Variants in ZCCHC4 observed in about 807,000 individuals in gnomAD.
ZCCHC4 encodes the protein rRNA N(6)-adenosine-methyltransferase ZCCHC4.
ZCCHC4 carries 54 observed loss-of-function variants against 67.7 expected under a neutral mutation model. The observed-to-expected ratio is 0.80, with a 90% CI of 0.64 to 1.00. The LOEUF (loss-of-function observed/expected upper bound fraction) is 1.00. ZCCHC4 is among the 50% of genes least tolerant of loss of function. The probability of loss-of-function intolerance (pLI) is 0.00; values close to 1 mark genes in which losing one functional copy is unlikely to be tolerated. For synonymous variants in ZCCHC4, 198 were observed against 213.5 expected (o/e 0.93, Z 0.63); for missense variants, 609 against 617.0 (o/e 0.99, Z 0.14).
chr4:25,349,226 T>C (rs1022728478), intron 6 of ZCCHC4, among the ~76,000 whole-genome samples: 8 of 152,204 alleles, frequency 5.3e-5, no homozygotes, highest in African/African-American at 1.7e-4. Context: ...GCCTTTTAAT[T>C]TAACCATTTG....
chr4:25,331,244 T>G (rs904832573), intron 3 of ZCCHC4, among the ~76,000 whole-genome samples: 1 of 152,202 alleles, frequency 6.6e-6, no homozygotes, highest in Non-Finnish European at 1.5e-5. Context: ...TAAAACTTCT[T>G]TTGAAGGCCC....
intron 10 of ZCCHC4, among the ~76,000 whole-genome samples, chr4:25,362,953 A>G (rs949925034): frequency 6.6e-6 from 1 of 152,076 alleles, no homozygotes; most frequent in African/African-American, 2.4e-5. Context: ...ATTCTCCCCA[A>G]CTAGCAGCAT....
intron 11 of ZCCHC4, 108 bp from the exon 12 acceptor site, chr4:25,364,914 G>T: frequency 6.8e-7 from 1 of 1,463,352 alleles, no homozygotes; most frequent in Non-Finnish European, 9.2e-7. Flanking sequence ...GTGCAAACTG[G>T]CCACAATACT....
intron 3 of ZCCHC4, among the ~76,000 whole-genome samples, chr4:25,322,845 T>C (rs763032951): frequency 9.9e-5 from 15 of 152,100 alleles, no homozygotes; most frequent in Non-Finnish European, 2.1e-4. Context: ...AAGGGTGAAT[T>C]TTATGGTACC....
chr4:25,346,478 C>T (rs1216163734), intron 6 of ZCCHC4, among the ~76,000 whole-genome samples: 2 of 152,088 alleles, frequency 1.3e-5, no homozygotes, highest in East Asian at 3.8e-4. Context: ...TGTAAAAATT[C>T]TGAACCATGC....
intron 12 of ZCCHC4, 169 bp downstream of exon 12, chr4:25,365,335 A>T: frequency 7.1e-7 from 1 of 1,407,860 alleles, no homozygotes; most frequent in Non-Finnish European, 9.2e-7. Context: ...AGATGATTCA[A>T]AGAGCTTGCT....
chr4:25,349,685 C>G (rs1453824714), intron 7 of ZCCHC4, 43 bp downstream of exon 7: 4 of 1,582,148 alleles, frequency 2.5e-6, no homozygotes, highest in Non-Finnish European at 3.5e-6. Context: ...ATCTATATAT[C>G]TACTTCCTGT....
chr4:25,358,729 G>A (rs1016133398), intron 8 of ZCCHC4, among the ~76,000 whole-genome samples: 3 of 152,218 alleles, frequency 2.0e-5, no homozygotes, highest in African/African-American at 7.2e-5. Flanking sequence ...AACTCTGCAC[G>A]TTATGTAACC....
chr4:25,365,401 A>G (rs1420249474), intron 12 of ZCCHC4: 15 of 1,293,416 alleles, frequency 1.2e-5, no homozygotes. Flanking sequence ...AATATGAGGT[A>G]GAAAGTGGTT....
intron 10 of ZCCHC4, among the ~76,000 whole-genome samples, 176 bp from the exon 11 acceptor site, chr4:25,364,278 A>T (rs1720860083): frequency 1.3e-5 from 2 of 152,210 alleles, no homozygotes; most frequent in Non-Finnish European, 2.9e-5. Flanking sequence ...ATTTGAGTTG[A>T]GTGGAGAAAT....
intron 5 of ZCCHC4, among the ~76,000 whole-genome samples, chr4:25,343,101 T>C (rs768092484): frequency 6.6e-6 from 1 of 152,236 alleles, no homozygotes; most frequent in East Asian, 1.9e-4. Flanking sequence ...CACATGGTTG[T>C]ACTAGTACTA....
chr4:25,357,470 A>G (rs1460417684), intron 8 of ZCCHC4, among the ~76,000 whole-genome samples: 2 of 152,160 alleles, frequency 1.3e-5, no homozygotes, highest in Non-Finnish European at 2.9e-5. Flanking sequence ...GACAGCCAGA[A>G]ACCCTTAGGG....
intron 6 of ZCCHC4, among the ~76,000 whole-genome samples, chr4:25,346,862 G>T (rs1220738269): frequency 1.3e-5 from 2 of 152,116 alleles, no homozygotes; most frequent in Non-Finnish European, 2.9e-5. Flanking sequence ...ATGATGAGGG[G>T]CTTCGCAGCT....
intron 3 of ZCCHC4, among the ~76,000 whole-genome samples, chr4:25,327,669 G>A (rs1237071674): frequency 5.9e-5 from 9 of 151,986 alleles, no homozygotes; most frequent in Non-Finnish European, 1.0e-4. Flanking sequence ...TTGAAGAGAT[G>A]AGGATCTTAC....
In ZCCHC4 at chr4:25,370,363, A is replaced by T. The variant is rs563152030; in HGVS notation, c.*1199A>T. The T allele has an allele frequency of 6.6e-6, 1 of 152,220 alleles. No homozygotes were observed. Among genetic ancestry groups the T allele is most frequent in the Non-Finnish European group, 1.5e-5 (1 of 68,012 alleles). The allele number at this position is 152,220 out of a possible 1,614,324, so 9.4% of individuals were successfully genotyped here. On this transcript the variant is annotated 3_prime_UTR_variant, in exon 13 of 13. Coordinates refer to ENST00000302874, the MANE Select transcript of ZCCHC4 (RefSeq NM_024936.3). ...AGCTATACCTGAGGTTTGTTTTGTG[A>T]TTAAATTAAATGAGACCCAAGTGCT... is the stretch of plus-strand genomic sequence containing the variant.
chr4:25,320,622 T>C (rs1718534167), intron 3 of ZCCHC4, among the ~76,000 whole-genome samples: 1 of 152,236 alleles, frequency 6.6e-6, no homozygotes, highest in Non-Finnish European at 1.5e-5. Context: ...CTTCATATTC[T>C]CATGTTCTCT....
At chr4:25,364,417 T>C in intron 10 of ZCCHC4, 37 bp from the exon 11 acceptor site, 1 of 1,404,082 alleles carries the variant, frequency 7.1e-7, no homozygotes, top group South Asian at 1.5e-5. Context: ...TAATAACAAA[T>C]TAATTATAAT....
At chr4:25,327,766 G>A (rs1718966652) in intron 3 of ZCCHC4, among the ~76,000 whole-genome samples, 1 of 152,180 alleles carries the variant, frequency 6.6e-6, no homozygotes, top group Non-Finnish European at 1.5e-5. Flanking sequence ...AGAGGCATGA[G>A]CCACCATACC....
chr4:25,319,967 A>C (rs1421764569), intron 3 of ZCCHC4, among the ~76,000 whole-genome samples: 1 of 152,086 alleles, frequency 6.6e-6, no homozygotes, highest in Non-Finnish European at 1.5e-5. Flanking sequence ...TTCATTGACT[A>C]ATTTATTTTT....
Sources: gnomAD v4.1 joint callset for allele counts (sites outside exome capture counted in the v4.1 genomes callset) on GRCh38, gnomAD v4.1.1 for gene constraint, MANE v1.5 for transcripts, NCBI Gene and HGNC (gene_info 2026-07-23, HGNC 2026-07-21) for gene names.